TENM3: variants seen among roughly 807,000 people sequenced by gnomAD.
TENM3 encodes the protein teneurin transmembrane protein 3.
A neutral mutation model predicts 255.1 loss-of-function variants in TENM3; 63 were observed. That is an observed-to-expected ratio of 0.25 (90% CI 0.20 to 0.30). TENM3 has a LOEUF of 0.30. Among genes scored for constraint, TENM3 ranks in the 10% least tolerant of loss-of-function variants. The pLI is 1.00. For synonymous variants in TENM3, 1,306 were observed against 1,322.3 expected, an observed-to-expected ratio of 0.99 and a Z score of 0.27; for missense variants, 2,929 against 3,461.1, an observed-to-expected ratio of 0.85 and a Z score of 3.86.
the TENM3 span, among the ~76,000 whole-genome samples, chr4:181,750,706 G>A: frequency 5.3e-4 from 81 of 152,188 alleles, no homozygotes; most frequent in African/African-American, 1.8e-3. Context: ...CAAAGAGGCC[G>A]CAACTTTCTC....
intron 4 of TENM3, among the ~76,000 whole-genome samples, chr4:182,623,482 TG>T (rs1750497278): frequency 2.2e-4 from 3 of 13,832 alleles, no homozygotes; most frequent in African/African-American, 8.8e-4. Context: ...TTTTGTATTT[TG>T]TTTGTTTGTT....
intron 3 of TENM3, among the ~76,000 whole-genome samples, chr4:182,424,071 T>A (rs535787341): frequency 6.2e-4 from 95 of 152,228 alleles, no homozygotes; most frequent in African/African-American, 2.0e-3. Flanking sequence ...CTAAAACACA[T>A]GGGAAGAAAA....
the TENM3 span, among the ~76,000 whole-genome samples, chr4:181,647,261 T>C: frequency 4.6e-5 from 7 of 152,318 alleles, no homozygotes; most frequent in East Asian, 7.7e-4. Context: ...TGTGTGAACA[T>C]ACACGTTGAT....
At chr4:181,641,805 CATATATATATATATATATATATAT>C in the TENM3 span, among the ~76,000 whole-genome samples, 5 of 31,438 alleles carry the variant, frequency 1.6e-4, no homozygotes, top group East Asian at 3.0e-3. Flanking sequence ...ACACACACAC[CATATATATATATATATATATATAT>C]ATATATATAT....
chr4:181,887,657 G>C, the TENM3 span, among the ~76,000 whole-genome samples: 1 of 152,092 alleles, frequency 6.6e-6, no homozygotes, highest in South Asian at 2.1e-4. Context: ...TCAGTGCTTC[G>C]TATCTGAGAA....
At chr4:182,077,120 C>T in the TENM3 span, among the ~76,000 whole-genome samples, 1 of 152,102 alleles carries the variant, frequency 6.6e-6, no homozygotes, top group African/African-American at 2.4e-5. Context: ...TGACTCTTGC[C>T]ATCATTGTGT....
chr4:181,843,945 C>G, the TENM3 span, among the ~76,000 whole-genome samples: 3 of 152,046 alleles, frequency 2.0e-5, no homozygotes, highest in Admixed American at 6.6e-5. Context: ...GTCTCAAACT[C>G]CTGACCTCGT....
chr4:182,328,666 T>C (rs2726799), intron 2 of TENM3, among the ~76,000 whole-genome samples: 67,860 of 152,008 alleles, frequency 0.45, 15,583 homozygotes, highest in Admixed American at 0.6. Flanking sequence ...GTGTGCCTCA[T>C]CTCTGGTCTT....
At chr4:181,820,508 C>G in the TENM3 span, among the ~76,000 whole-genome samples, 11 of 151,912 alleles carry the variant, frequency 7.2e-5, no homozygotes, top group African/African-American at 2.4e-4. Context: ...CACACACACA[C>G]ACACACAGTA....
At chr4:181,613,143 A>T in the TENM3 span, among the ~76,000 whole-genome samples, 1 of 152,226 alleles carries the variant, frequency 6.6e-6, no homozygotes, top group Non-Finnish European at 1.5e-5. Context: ...TTGTTTCCCT[A>T]GGACAGGTCT....
At chr4:182,323,613 A>G (rs1763194563) in intron 1 of TENM3, among the ~76,000 whole-genome samples, 1 of 152,186 alleles carries the variant, frequency 6.6e-6, no homozygotes, top group Non-Finnish European at 1.5e-5. Context: ...TCCATTGTGG[A>G]AAATTTAACA....
the TENM3 span, among the ~76,000 whole-genome samples, chr4:182,083,075 AG>A: frequency 3.8e-3 from 572 of 152,344 alleles, 11 homozygotes; most frequent in East Asian, 0.041. Context: ...GGTAAATGAA[AG>A]CATAAGGAAA....
the TENM3 span, among the ~76,000 whole-genome samples, chr4:181,903,136 C>G: frequency 1.3e-5 from 2 of 152,042 alleles, no homozygotes; most frequent in Admixed American, 1.3e-4. Context: ...CCACCTAGTA[C>G]GAGGGATCCT....
At chr4:181,997,984 T>C in the TENM3 span, among the ~76,000 whole-genome samples, 2 of 152,206 alleles carry the variant, frequency 1.3e-5, no homozygotes, top group African/African-American at 4.8e-5. Flanking sequence ...AAAAAGATTC[T>C]TCTAGATTCT....
chr4:182,283,439 G>A (rs1243444702), intron 1 of TENM3, among the ~76,000 whole-genome samples: 1 of 152,152 alleles, frequency 6.6e-6, no homozygotes, highest in Non-Finnish European at 1.5e-5. Flanking sequence ...AAACCAAGAA[G>A]GCTGTGCTGT....
At chr4:182,463,939 T>A (rs569492528) in intron 3 of TENM3, among the ~76,000 whole-genome samples, 106 of 152,234 alleles carry the variant, frequency 7.0e-4, no homozygotes, top group African/African-American at 2.5e-3. Context: ...CACTTTTGTG[T>A]GTATTTTGTT....
chr4:182,423,119 A>G (rs1010016595), intron 3 of TENM3, among the ~76,000 whole-genome samples: 4 of 152,066 alleles, frequency 2.6e-5, no homozygotes, highest in Non-Finnish European at 5.9e-5. Context: ...ATTTGTCAAC[A>G]TCTCTTTTCT....
the TENM3 span, among the ~76,000 whole-genome samples, chr4:182,066,631 C>G: frequency 2.3e-3 from 346 of 148,858 alleles, 3 homozygotes; most frequent in African/African-American, 8.0e-3. Context: ...TAAGCTTGGG[C>G]CAGGCGCGGT....
At chr4:182,265,830 T>G (rs1296026121) in intron 1 of TENM3, among the ~76,000 whole-genome samples, 10 of 152,212 alleles carry the variant, frequency 6.6e-5, no homozygotes, top group Non-Finnish European at 8.8e-5. Context: ...CTGTAATGCC[T>G]TTTGGTTCAT....
Sources: gnomAD v4.1 joint callset for allele counts (sites outside exome capture counted in the v4.1 genomes callset) on GRCh38, gnomAD v4.1.1 for gene constraint, MANE v1.5 for transcripts, NCBI Gene and HGNC (gene_info 2026-07-23, HGNC 2026-07-21) for gene names.